Variants in ACSL3 observed in about 807,000 individuals in gnomAD.
ACSL3 encodes the protein acyl-CoA synthetase long chain family member 3, also known as fatty acid CoA ligase Acsl3.
A neutral mutation model predicts 84.7 loss-of-function variants in ACSL3; 34 were observed. The ratio of observed to expected loss-of-function variants is 0.40; its 90% CI spans 0.31 to 0.53. The LOEUF is 0.53. ACSL3 is among the 20% of genes least tolerant of loss of function. The probability of loss-of-function intolerance (pLI) is 0.48; values close to 1 mark genes in which losing one functional copy is unlikely to be tolerated. For synonymous variants in ACSL3, 315 were observed against 299.4 expected (o/e 1.05, Z -0.54); for missense variants, 680 against 873.1 (o/e 0.78, Z 2.79).
intron 15 of ACSL3, 79 bp from the exon 16 acceptor site, chr2:222,934,451 T>C (rs1364423546): frequency 2.3e-5 from 27 of 1,194,528 alleles, no homozygotes; most frequent in Non-Finnish European, 2.8e-5. Context: ...AGTTATTTAC[T>C]ACTTGTCACT....
chr2:222,918,128 T>G lies in ACSL3; in HGVS notation c.639T>G (p.Ser213Arg), dbSNP rs774007125. Residue 213 changes from serine (S) to arginine (R), a missense_variant, in exon 6 of 17, where the codon AGT becomes AGG. Around this residue, in one of 2 missense-constraint regions of ACSL3, gnomAD observed 333 missense variants for 347.5 expected, o/e 0.96. Coordinates refer to ENST00000357430, the MANE Select transcript of ACSL3 (RefSeq NM_004457.5). ...CAGAGGTGACCAACATCATTACTAG[T>G]AAAGAACTCTTACAAACAAAGTTGA... The part of the protein sequence containing the change: ...NETEVTNIIT[S>R]KELLQTKLKD... The G allele has an allele frequency of 1.2e-6, 2 of 1,611,486 alleles. No homozygotes were observed. Among genetic ancestry groups the G allele is most frequent in the Admixed American group, 1.7e-5 (1 of 59,838 alleles).
chr2:222,865,961 C>G (rs912715602), intron 1 of ACSL3, among the ~76,000 whole-genome samples: 2 of 152,234 alleles, frequency 1.3e-5, no homozygotes, highest in Non-Finnish European at 2.9e-5. Context: ...CCTGTCCTGT[C>G]ATGGTCAACT....
chr2:222,892,377 A>T (rs536038772), intron 2 of ACSL3, among the ~76,000 whole-genome samples: 2 of 152,254 alleles, frequency 1.3e-5, no homozygotes, highest in South Asian at 4.1e-4. Context: ...TTAGCTTTGG[A>T]TGCCTGAGAA....
chr2:222,866,753 G>GCC (rs1237425837), intron 1 of ACSL3, among the ~76,000 whole-genome samples: 1 of 18,716 alleles, frequency 5.3e-5, no homozygotes, highest in Non-Finnish European at 1.3e-4. Flanking sequence ...TGCCCCCCCC[G>GCC]CCCCCCCCCC....
chr2:222,929,221 TAGG>T (rs1314986398), intron 13 of ACSL3, among the ~76,000 whole-genome samples: 1 of 152,188 alleles, frequency 6.6e-6, no homozygotes, highest in Non-Finnish European at 1.5e-5. Context: ...GTCAATAAAT[TAGG>T]AGTGATCATA....
intron 13 of ACSL3, 78 bp downstream of exon 13, chr2:222,929,014 T>C: frequency 2.4e-6 from 3 of 1,254,372 alleles, no homozygotes; most frequent in Non-Finnish European, 2.3e-6. Context: ...TTTCTTGCTT[T>C]AGAATGTAAA....
At chr2:222,934,738 T>C (rs751787525) in intron 16 of ACSL3, 51 bp downstream of exon 16, 21 of 1,565,058 alleles carry the variant, frequency 1.3e-5, no homozygotes, top group Admixed American at 1.9e-5. Context: ...AAGAGAGTAC[T>C]TACATGCATT....
At position 222,877,381 on chromosome 2, in the gene ACSL3, A is replaced by G. The variant is rs75371806; in HGVS notation, c.-206-10449A>G. Among the ~76,000 whole-genome samples the G allele has an allele frequency of 3.9e-3, 587 of 152,318 alleles. 2 individuals carry two copies. Among genetic ancestry groups the G allele is most frequent in the Middle Eastern group, 0.02 (6 of 294 alleles). On this transcript the variant is annotated intron_variant, in intron 1 of 16. Transcript: ENST00000357430. ...GGAGCAGATGATAGCCCAGATGGAA[A>G]GTTCCATGAGGGCAGGATCAGTTGA...
At chr2:222,914,760 C>G (rs1696532175) in intron 4 of ACSL3, among the ~76,000 whole-genome samples, 1 of 152,072 alleles carries the variant, frequency 6.6e-6, no homozygotes, top group Admixed American at 6.5e-5. Context: ...GCCATAGGGA[C>G]AAAGTTAGGA....
intron 4 of ACSL3, among the ~76,000 whole-genome samples, chr2:222,916,043 G>A (rs550424904): frequency 6.6e-6 from 1 of 151,964 alleles, no homozygotes; most frequent in African/African-American, 2.4e-5. Flanking sequence ...TGACCTTTAC[G>A]AGCCTATCAA....
chr2:222,930,757 G>T lies in ACSL3; in HGVS notation c.1677G>T (p.Trp559Cys). 6.2e-7 allele frequency: 1 copy of T among 1,614,140 alleles called. No homozygotes were observed. The highest frequency in any genetic ancestry group is 8.5e-7 in the Non-Finnish European group (1 of 1,179,994). The stretch of plus-strand genomic sequence containing the variant: ...TTGAAGATGAAAATGGACAAAGGTG[G>T]CTCTGTACTGGGGATATTGGAGAGT... ...DFFEDENGQR[W>C]LCTGDIGEFE... Residue 559 changes from tryptophan (W) to cysteine (C), a missense_variant, in exon 14 of 17, where the codon TGG (tryptophan) becomes TGT (cysteine). By Grantham distance (215) the Trp-to-Cys change is radical. Transcript: ENST00000357430.
At position 222,941,813 on chromosome 2, in the gene ACSL3, T is replaced by G; in HGVS notation, c.*159T>G. On this transcript the variant is annotated 3_prime_UTR_variant, in exon 17 of 17. Transcript: ENST00000357430. Reference sequence around the variant, plus strand: ...TTAACTGACAGGATTAGTAAAACATTAAGACAGCAAACTTGTGTCTGTCTC... The same window carrying G: ...TTAACTGACAGGATTAGTAAAACATGAAGACAGCAAACTTGTGTCTGTCTC... 1.4e-6 allele frequency: 1 copy of G among 729,072 alleles called. No homozygotes were observed. The highest frequency in any genetic ancestry group is 3.3e-5 in the South Asian group (1 of 30,602). The allele number at this position is 729,072 out of a possible 1,614,324, so 45.2% of individuals were successfully genotyped here.
intron 4 of ACSL3, among the ~76,000 whole-genome samples, chr2:222,914,234 C>T (rs963103222): frequency 7.1e-6 from 1 of 140,160 alleles, no homozygotes; most frequent in Non-Finnish European, 1.5e-5. Flanking sequence ...TGTGTGTGTA[C>T]GTGTGTGTGT....
intron 11 of ACSL3, among the ~76,000 whole-genome samples, chr2:222,925,049 C>T (rs1271893708): frequency 6.8e-6 from 1 of 146,104 alleles, no homozygotes; most frequent in Non-Finnish European, 1.5e-5. Context: ...AAAAAAAATC[C>T]ATCCTGGCTG....
intron 16 of ACSL3, 80 bp downstream of exon 16, chr2:222,934,767 A>G: frequency 1.4e-6 from 2 of 1,448,396 alleles, no homozygotes; most frequent in Non-Finnish European, 1.9e-6. Context: ...TTTAAGGTTT[A>G]GGGTTCATTA....
intron 6 of ACSL3, among the ~76,000 whole-genome samples, chr2:222,918,394 C>T (rs868754052): frequency 3.3e-5 from 5 of 151,872 alleles, no homozygotes; most frequent in South Asian, 2.1e-4. Flanking sequence ...GAAGAAATTA[C>T]GACTACTTTT....
At chr2:222,938,863 G>A (rs959841921) in intron 16 of ACSL3, among the ~76,000 whole-genome samples, 1 of 151,960 alleles carries the variant, frequency 6.6e-6, no homozygotes, top group African/African-American at 2.4e-5. Context: ...GGAGTTCATA[G>A]ATTCTTTTTT....
chr2:222,907,663 G>T (rs1338097455), intron 3 of ACSL3, among the ~76,000 whole-genome samples: 1 of 151,946 alleles, frequency 6.6e-6, no homozygotes. Flanking sequence ...TGTTTGGGAG[G>T]CTGAGGAGAG....
At chr2:222,926,725 T>C (rs1347112249) in intron 11 of ACSL3, among the ~76,000 whole-genome samples, 1 of 152,202 alleles carries the variant, frequency 6.6e-6, no homozygotes, top group Admixed American at 6.5e-5. Flanking sequence ...AATAATGATA[T>C]AAAAGTGGCC....
Sources: gnomAD v4.1 joint callset for allele counts (sites outside exome capture counted in the v4.1 genomes callset) on GRCh38, gnomAD v4.1.1 for gene constraint, gnomAD v4.1.1 regional missense constraint, MANE v1.5 for transcripts, NCBI Gene and HGNC (gene_info 2026-07-23, HGNC 2026-07-21) for gene names.